The following ARHGAP28 variants were observed in gnomAD, a reference collection of about 807,000 sequenced individuals.
ARHGAP28 encodes the protein rho GTPase-activating protein 28.
A neutral mutation model predicts 90.7 loss-of-function variants in ARHGAP28; 56 were observed. That is an observed-to-expected ratio of 0.62 (90% CI 0.50 to 0.77). The LOEUF is 0.77. Among genes scored for constraint, ARHGAP28 ranks in the 30% least tolerant of loss-of-function variants. The probability of loss-of-function intolerance (pLI) is 0.00; values close to 1 mark genes in which losing one functional copy is unlikely to be tolerated. For synonymous variants in ARHGAP28, 308 were observed against 323.3 expected (o/e 0.95, Z 0.51); for missense variants, 869 against 900.9 (o/e 0.96, Z 0.45).
At chr18:6,733,487 G>A (rs1023427235) in intron 1 of ARHGAP28, among the ~76,000 whole-genome samples, 1 of 152,054 alleles carries the variant, frequency 6.6e-6, no homozygotes, top group Non-Finnish European at 1.5e-5. Context: ...AATAGAGTGT[G>A]AGGATGGATA....
intron 3 of ARHGAP28, among the ~76,000 whole-genome samples, chr18:6,845,185 C>T (rs1226002365): frequency 1.3e-5 from 2 of 152,140 alleles, no homozygotes; most frequent in Non-Finnish European, 2.9e-5. Flanking sequence ...CTCAATCAGT[C>T]CTCCCACCTC....
chr18:6,738,878 C>G (rs1234750920), intron 1 of ARHGAP28, among the ~76,000 whole-genome samples: 1 of 152,212 alleles, frequency 6.6e-6, no homozygotes, highest in Non-Finnish European at 1.5e-5. Context: ...CCGTAACAAG[C>G]TGCCATCTAC....
intron 4 of ARHGAP28, among the ~76,000 whole-genome samples, chr18:6,859,102 C>A (rs1422602512): frequency 1.4e-5 from 2 of 145,118 alleles, no homozygotes; most frequent in Non-Finnish European, 3.1e-5. Flanking sequence ...CAACAAAAAA[C>A]AAAATTTGGT....
At chr18:6,856,259 C>T (rs1477602184) in intron 4 of ARHGAP28, among the ~76,000 whole-genome samples, 3 of 152,112 alleles carry the variant, frequency 2.0e-5, no homozygotes, top group East Asian at 3.9e-4. Context: ...TTTAGCTTGT[C>T]TCACTCTTTT....
intron 7 of ARHGAP28, 79 bp downstream of exon 7, chr18:6,870,811 T>A (rs1000678594): frequency 1.4e-6 from 2 of 1,461,934 alleles, no homozygotes; most frequent in African/African-American, 1.4e-5. Context: ...TTTTCTTTTT[T>A]TTTTTTGAGA....
intron 5 of ARHGAP28, among the ~76,000 whole-genome samples, chr18:6,864,052 TTTTTATTTTTA>T (rs1049656822): frequency 1.3e-5 from 2 of 151,874 alleles, no homozygotes; most frequent in African/African-American, 4.8e-5. Context: ...GGCTTGTTTA[TTTTTATTTTTA>T]TTTTATTTTA....
intron 3 of ARHGAP28, among the ~76,000 whole-genome samples, chr18:6,841,203 C>CTCTCTCCTCTCTCTCTCT (rs754874496): frequency 4.8e-5 from 2 of 41,978 alleles, no homozygotes; most frequent in African/African-American, 2.3e-4. Flanking sequence ...CTCTCTCTCT[C>CTCTCTCCTCTCTCTCTCT]CTCTCCTCTC....
At chr18:6,731,191 A>G (rs2055878648) in intron 1 of ARHGAP28, among the ~76,000 whole-genome samples, 1 of 152,232 alleles carries the variant, frequency 6.6e-6, no homozygotes, top group Non-Finnish European at 1.5e-5. Context: ...GCTCGAAGAT[A>G]TAAACTGGCA....
At chr18:6,762,612 C>G (rs938816596) in intron 1 of ARHGAP28, among the ~76,000 whole-genome samples, 1 of 151,738 alleles carries the variant, frequency 6.6e-6, no homozygotes, top group South Asian at 2.1e-4. Context: ...CAGAATGTGA[C>G]TATATTTAGA....
intron 6 of ARHGAP28, among the ~76,000 whole-genome samples, chr18:6,868,990 AAAG>A (rs1317774832): frequency 6.6e-6 from 1 of 152,112 alleles, no homozygotes; most frequent in Admixed American, 6.5e-5. Context: ...TAAAAATAAA[AAAG>A]AAGGGACTTG....
chr18:6,802,655 T>C (rs1474883440), intron 1 of ARHGAP28, among the ~76,000 whole-genome samples: 2 of 152,130 alleles, frequency 1.3e-5, no homozygotes, highest in Non-Finnish European at 2.9e-5. Context: ...CCTATTTTTT[T>C]TGTGTTTGTG....
chr18:6,751,674 G>T (rs2056070795), intron 1 of ARHGAP28, among the ~76,000 whole-genome samples: 1 of 152,196 alleles, frequency 6.6e-6, no homozygotes, highest in Non-Finnish European at 1.5e-5. Flanking sequence ...ATACAAACTG[G>T]TTCTCTACGG....
At chr18:6,830,629 G>GT (rs1286764350) in intron 2 of ARHGAP28, among the ~76,000 whole-genome samples, 1 of 152,124 alleles carries the variant, frequency 6.6e-6, no homozygotes, top group Non-Finnish European at 1.5e-5. Flanking sequence ...CTTCATCCAT[G>GT]TCCCTGCAAA....
intron 16 of ARHGAP28, among the ~76,000 whole-genome samples, chr18:6,900,453 G>T (rs1445150549): frequency 1.3e-5 from 2 of 152,132 alleles, no homozygotes; most frequent in African/African-American, 4.8e-5. Flanking sequence ...TATCAGCAAA[G>T]AAATAGATGT....
chr18:6,733,322 T>A (rs545240729), intron 1 of ARHGAP28, among the ~76,000 whole-genome samples: 8 of 152,302 alleles, frequency 5.3e-5, no homozygotes, highest in African/African-American at 1.9e-4. Flanking sequence ...CTGTTTTTGC[T>A]CTTTAAATTT....
Position 6,870,875 on chromosome 18 carries a change from A to C in ARHGAP28, c.954+143A>C, listed in dbSNP as rs551678579. ...GAGTGCAGTGGCGCGATCTCGGCTC[A>C]CTGCAAGCTCTGCCTCCCGGGTTCA... is the stretch of plus-strand genomic sequence containing the variant. On this transcript the variant is annotated intron_variant, in intron 7 of 17. Coordinates refer to ENST00000383472, the MANE Select transcript of ARHGAP28 (RefSeq NM_001366230.1). 21 of 825,940 alleles carry C rather than the reference A, an allele frequency of 2.5e-5. No individual in the cohort carries two copies. The Admixed American group carries it at 4.2e-4, about 17-fold the overall frequency. 51.2% of individuals were successfully genotyped at this position (825,940 alleles called of 1,614,324 possible). A position where few individuals can be genotyped will look rare whatever the true frequency, so the allele number is the denominator to read the frequency against.
intron 15 of ARHGAP28, 84 bp from the exon 16 acceptor site, chr18:6,896,418 T>C: frequency 2.0e-6 from 3 of 1,501,530 alleles, no homozygotes; most frequent in Non-Finnish European, 2.7e-6. Flanking sequence ...AGAGTAGCAC[T>C]GATTTTCATA....
chr18:6,745,923 A>G (rs2056019571), intron 1 of ARHGAP28, among the ~76,000 whole-genome samples: 2 of 152,064 alleles, frequency 1.3e-5, no homozygotes, highest in Non-Finnish European at 2.9e-5. Flanking sequence ...TTAGAGTAAA[A>G]CCTATCACAC....
chr18:6,779,429 T>C (rs2056307898), intron 1 of ARHGAP28, among the ~76,000 whole-genome samples: 1 of 152,230 alleles, frequency 6.6e-6, no homozygotes, highest in Admixed American at 6.5e-5. Flanking sequence ...TCACATTTCC[T>C]TGGGCAGAAC....
Sources: gnomAD v4.1 joint callset for allele counts (sites outside exome capture counted in the v4.1 genomes callset) on GRCh38, gnomAD v4.1.1 for gene constraint, MANE v1.5 for transcripts, NCBI Gene and HGNC (gene_info 2026-07-23, HGNC 2026-07-21) for gene names.